Variants in FAM177A1 observed in about 807,000 individuals in gnomAD.
FAM177A1 encodes the protein family with sequence similarity 177 member A1.
Under a neutral mutation model 26.1 loss-of-function variants are expected in FAM177A1, and 22 were observed. The observed-to-expected ratio is 0.84, with a 90% CI of 0.60 to 1.20. The LOEUF is 1.20. Among genes scored for constraint, FAM177A1 ranks in the 50% most tolerant of loss-of-function variants. FAM177A1 has a pLI of 0.00. For synonymous variants in FAM177A1, 95 were observed against 99.3 expected (o/e 0.96, Z 0.26); for missense variants, 296 against 291.1 (o/e 1.02, Z -0.12).
chr14:35,058,217 G>C (rs560870737), intron 2 of FAM177A1, among the ~76,000 whole-genome samples: 28 of 152,126 alleles, frequency 1.8e-4, no homozygotes, highest in African/African-American at 6.0e-4. Flanking sequence ...GAGATTACAG[G>C]CTTGCACCTG....
intron 1 of FAM177A1, among the ~76,000 whole-genome samples, chr14:35,048,212 A>G (rs187686911): frequency 9.5e-4 from 145 of 152,198 alleles, no homozygotes; most frequent in African/African-American, 3.3e-3. Flanking sequence ...ATGGTGCTTG[A>G]TATGTTTTTC....
intron 2 of FAM177A1, among the ~76,000 whole-genome samples, chr14:35,071,804 AC>A (rs763827419): frequency 6.6e-6 from 1 of 151,840 alleles, no homozygotes; most frequent in Non-Finnish European, 1.5e-5. Context: ...TAGGGGTGTG[AC>A]CCCCCAACTA....
intron 1 of FAM177A1, chr14:35,050,329 AATT>A (rs1325511928): frequency 6.6e-6 from 1 of 152,132 alleles, no homozygotes; most frequent in Non-Finnish European, 1.5e-5. Flanking sequence ...TTTTATTTGT[AATT>A]ATTGGATTTC....
intron 2 of FAM177A1, among the ~76,000 whole-genome samples, chr14:35,053,854 G>A (rs2045017641): frequency 1.3e-5 from 2 of 152,086 alleles, no homozygotes; most frequent in Admixed American, 1.3e-4. Flanking sequence ...TTAGCTGGAC[G>A]TATTGGTGGA....
Position 35,046,297 on chromosome 14 carries a change from G to A in FAM177A1, c.-167G>A. The A allele has an allele frequency of 1.3e-6, 1 of 755,876 alleles. No homozygotes were observed. Among genetic ancestry groups the A allele is most frequent in the Non-Finnish European group, 1.9e-6 (1 of 518,570 alleles). The allele number at this position is 755,876 out of a possible 1,614,324, so 46.8% of individuals were successfully genotyped here. On this transcript the variant is annotated 5_prime_UTR_variant, in exon 1 of 5. In the 5' UTR this introduces an upstream ATG that the reference lacks. Transcript: ENST00000280987. ...AGACTGCAGTTGGCCAGCTCTCGGGGTGCGGAGCCCGGCGGGCTAGGCGAG... is the reference window on the plus strand; with the variant it reads ...AGACTGCAGTTGGCCAGCTCTCGGGATGCGGAGCCCGGCGGGCTAGGCGAG...
intron 4 of FAM177A1, among the ~76,000 whole-genome samples, chr14:35,080,324 A>G (rs549747649): frequency 7.2e-5 from 11 of 152,330 alleles, no homozygotes; most frequent in African/African-American, 2.6e-4. Flanking sequence ...TATGCTATAT[A>G]TCATGTAGTA....
intron 2 of FAM177A1, among the ~76,000 whole-genome samples, chr14:35,057,564 A>G (rs928776663): frequency 6.6e-6 from 1 of 152,022 alleles, no homozygotes; most frequent in African/African-American, 2.4e-5. Context: ...TATTTTTAGT[A>G]GAGGCAGGGT....
chr14:35,058,951 T>G (rs2045105322), intron 2 of FAM177A1, among the ~76,000 whole-genome samples: 1 of 152,172 alleles, frequency 6.6e-6, no homozygotes, highest in Non-Finnish European at 1.5e-5. Context: ...GTTTTCTTTT[T>G]TTTTGGGACG....
chr14:35,058,699 A>G (rs2045100978), intron 2 of FAM177A1, among the ~76,000 whole-genome samples: 2 of 152,048 alleles, frequency 1.3e-5, no homozygotes, highest in Non-Finnish European at 2.9e-5. Flanking sequence ...ATGTAATGAG[A>G]CCTTGTCTCT....
intron 2 of FAM177A1, among the ~76,000 whole-genome samples, chr14:35,061,753 T>TA (rs1237511373): frequency 6.7e-6 from 1 of 148,688 alleles, no homozygotes; most frequent in Non-Finnish European, 1.5e-5. Flanking sequence ...CCCTAAAACT[T>TA]AAAGTATAAT....
At chr14:35,046,978 T>A in intron 1 of FAM177A1, 1 of 1,072,032 alleles carries the variant, frequency 9.3e-7, no homozygotes. Context: ...CAACCACTTC[T>A]CAGTCTCTTC....
In FAM177A1 at chr14:35,078,936, T is replaced by G; in HGVS notation, c.416T>G (p.Phe139Cys). The G allele has an allele frequency of 3.9e-6, 6 of 1,538,976 alleles. No individual in the cohort carries two copies. The highest frequency in any genetic ancestry group is 5.2e-6 in the Non-Finnish European group (6 of 1,155,402). ...ACTTTTGTATTTTCAGTGTGTGACT[T>G]CCTTGGAGAGAAGATTGCATCTGTT... ...AATSTLSVCD[F>C]LGEKIASVLG... is the part of the protein sequence containing the mutation. Residue 139 changes from phenylalanine (F) to cysteine (C), a missense_variant, in exon 4 of 5, where the codon TTC becomes TGC. Coordinates refer to ENST00000280987, the MANE Select transcript of FAM177A1 (RefSeq NM_173607.5).
At chr14:35,059,176 C>A (rs941765256) in intron 2 of FAM177A1, among the ~76,000 whole-genome samples, 1 of 152,142 alleles carries the variant, frequency 6.6e-6, no homozygotes, top group African/African-American at 2.4e-5. Context: ...CCACCTGCCT[C>A]GGCCTCCCAA....
chr14:35,069,347 G>A (rs981730377), intron 2 of FAM177A1, among the ~76,000 whole-genome samples: 2 of 149,978 alleles, frequency 1.3e-5, no homozygotes, highest in East Asian at 2.0e-4. Flanking sequence ...GTGCAATGGC[G>A]CAATCTCGGC....
intron 2 of FAM177A1, among the ~76,000 whole-genome samples, chr14:35,068,617 A>G (rs1332632845): frequency 1.3e-5 from 2 of 152,214 alleles, no homozygotes; most frequent in East Asian, 1.9e-4. Flanking sequence ...CACAGCTACT[A>G]TTGGGAAGCC....
At position 35,082,176 on chromosome 14, in the gene FAM177A1, T is replaced by C. The variant is rs2045494051; in HGVS notation, c.*948T>C. The C allele has an allele frequency of 6.6e-6, 1 of 152,182 alleles. No individual in the cohort carries two copies. The highest frequency in any genetic ancestry group is 1.5e-5 in the Non-Finnish European group (1 of 68,038). 9.4% of individuals were successfully genotyped at this position (152,182 alleles called of 1,614,324 possible). A position where few individuals can be genotyped will look rare whatever the true frequency, so the allele number is the denominator to read the frequency against. On this transcript the variant is annotated 3_prime_UTR_variant, in exon 5 of 5. Transcript: ENST00000280987. ...CCACTCCTCTACCTACTTGGTTATT[T>C]GTAAACCTTACAAATGTATATATTG...
rs549042613 is a variant in FAM177A1, at chr14:35,069,391, T to C, written c.340-7759T>C. ...ACCTCTGCCTCCCGGGTTCAAGCGATTCTCCTGCCTCAGCCTCCCAAGTAG... is the reference window on the plus strand; with the variant it reads ...ACCTCTGCCTCCCGGGTTCAAGCGACTCTCCTGCCTCAGCCTCCCAAGTAG... On this transcript the variant is annotated intron_variant, in intron 2 of 4. Transcript: ENST00000280987. Among the ~76,000 whole-genome samples the C allele has an allele frequency of 5.9e-5, 9 of 151,644 alleles. 1 individual carries two copies. In the East Asian group the frequency reaches 1.4e-3, roughly 23 times the overall value.
intron 2 of FAM177A1, among the ~76,000 whole-genome samples, chr14:35,062,804 A>G (rs1359942993): frequency 1.3e-5 from 2 of 151,056 alleles, no homozygotes; most frequent in Non-Finnish European, 2.9e-5. Context: ...AAAAAAAAAA[A>G]AAAGAAAAGA....
Position 35,081,515 on chromosome 14 carries a change from G to A in FAM177A1, c.*287G>A, listed in dbSNP as rs573408624. ...CCTAGAGCCTTAATAGTTAAGAAGA[G>A]TTAAATTATCAAGCCTATTTGTGCA... On this transcript the variant is annotated 3_prime_UTR_variant, in exon 5 of 5. Transcript: ENST00000280987. 1.0e-4 allele frequency: 22 copies of A among 211,586 alleles called. No homozygotes were observed. In the East Asian group the frequency reaches 2.1e-3, roughly 20 times the overall value. 13.1% of individuals were successfully genotyped at this position (211,586 alleles called of 1,614,324 possible).
Sources: allele counts gnomAD v4.1 joint callset (sites outside exome capture counted in the v4.1 genomes callset), GRCh38; gene constraint gnomAD v4.1.1; transcripts MANE v1.5; gene names NCBI Gene and HGNC (gene_info 2026-07-23, HGNC 2026-07-21).